GPC5: variants seen among roughly 807,000 people sequenced by gnomAD.
GPC5 encodes the protein glypican-5.
GPC5 carries 47 observed loss-of-function variants against 53.9 expected under a neutral mutation model. The observed-to-expected ratio is 0.87, with a 90% CI of 0.69 to 1.11. GPC5 has a LOEUF of 1.11. GPC5 is among the 50% of genes most tolerant of loss of function. GPC5 has a pLI of 0.00. For missense variants in GPC5, 748 were observed against 713.1 expected (o/e 1.05, Z -0.56); for synonymous variants, 286 against 263.3 (o/e 1.09, Z -0.84).
chr13:91,943,870 T>C (rs973732441), intron 6 of GPC5, among the ~76,000 whole-genome samples: 5 of 150,352 alleles, frequency 3.3e-5, no homozygotes, highest in Non-Finnish European at 5.9e-5. Context: ...TGAAATGACT[T>C]TTTTTTTTAA....
chr13:92,808,950 T>A (rs533222207), intron 7 of GPC5, among the ~76,000 whole-genome samples: 1 of 152,194 alleles, frequency 6.6e-6, no homozygotes, highest in South Asian at 2.1e-4. Flanking sequence ...AAAGACAAGA[T>A]ACTAGGAGCT....
chr13:91,665,041 C>A (rs182468494), intron 2 of GPC5, among the ~76,000 whole-genome samples: 54 of 152,244 alleles, frequency 3.5e-4, no homozygotes, highest in Middle Eastern at 3.4e-3. Flanking sequence ...ACAAAGAAAG[C>A]AGTGGTTTCA....
At chr13:91,812,094 C>G (rs186870693) in intron 5 of GPC5, among the ~76,000 whole-genome samples, 1 of 152,154 alleles carries the variant, frequency 6.6e-6, no homozygotes, top group African/African-American at 2.4e-5. Flanking sequence ...CAGGTAGTAC[C>G]TGTTGCCTTA....
intron 5 of GPC5, among the ~76,000 whole-genome samples, chr13:91,813,733 G>T (rs1399161910): frequency 6.6e-6 from 1 of 151,998 alleles, no homozygotes. Context: ...GTAAAAGTAA[G>T]AAATTTTGAA....
intron 7 of GPC5, among the ~76,000 whole-genome samples, chr13:92,369,141 A>AT (rs1332565320): frequency 6.6e-6 from 1 of 152,236 alleles, no homozygotes; most frequent in African/African-American, 2.4e-5. Flanking sequence ...AGCTGTGAAT[A>AT]TATCATCAAT....
intron 7 of GPC5, among the ~76,000 whole-genome samples, chr13:92,161,680 A>G (rs1407255038): frequency 6.6e-6 from 1 of 151,934 alleles, no homozygotes; most frequent in Non-Finnish European, 1.5e-5. Flanking sequence ...GCATTAGTTT[A>G]ATGTGTAATT....
chr13:92,342,290 G>A (rs2139250622), intron 7 of GPC5, among the ~76,000 whole-genome samples: 1 of 152,198 alleles, frequency 6.6e-6, no homozygotes, highest in South Asian at 2.1e-4. Context: ...CTGGAATATT[G>A]CAGTAGCCTC....
chr13:91,459,073 G>A (rs560500893), intron 2 of GPC5, among the ~76,000 whole-genome samples: 1 of 151,922 alleles, frequency 6.6e-6, no homozygotes, highest in South Asian at 2.1e-4. Context: ...GGGTGGGAGG[G>A]GGGTGAGGGA....
chr13:91,765,984 C>A (rs1051396204), intron 5 of GPC5, among the ~76,000 whole-genome samples: 1 of 152,128 alleles, frequency 6.6e-6, no homozygotes, highest in Non-Finnish European at 1.5e-5. Flanking sequence ...ACTTAAAATT[C>A]TGTAATACAT....
Position 91,933,026 on chromosome 13 carries a change from G to C in GPC5, c.1401+24969G>C, listed in dbSNP as rs960095239. ...ATATGCATTTGAAATTTTTAAAGTGGCATTACATATCCATAATTTCCCTTA... is the reference window on the plus strand; with the variant it reads ...ATATGCATTTGAAATTTTTAAAGTGCCATTACATATCCATAATTTCCCTTA... On this transcript the variant is annotated intron_variant, in intron 6 of 7. Coordinates refer to ENST00000377067, the MANE Select transcript of GPC5 (RefSeq NM_004466.6). Among the ~76,000 whole-genome samples, 8 of 152,008 alleles carry C rather than the reference G, an allele frequency of 5.3e-5. 1 individual carries two copies. The highest frequency in any genetic ancestry group is 5.9e-5 in the Non-Finnish European group (4 of 67,908).
chr13:92,744,972 C>A (rs955797401), intron 7 of GPC5, among the ~76,000 whole-genome samples: 2 of 152,048 alleles, frequency 1.3e-5, no homozygotes, highest in Non-Finnish European at 1.5e-5. Context: ...CTGAGACTTG[C>A]CTTCTCTAGT....
chr13:92,332,437 C>T (rs977198706), intron 7 of GPC5, among the ~76,000 whole-genome samples: 6 of 152,066 alleles, frequency 3.9e-5, no homozygotes, highest in Non-Finnish European at 7.4e-5. Context: ...AGGGATCTTA[C>T]CCCATCCTAG....
At chr13:91,740,494 G>A (rs2036908504) in intron 4 of GPC5, among the ~76,000 whole-genome samples, 1 of 152,162 alleles carries the variant, frequency 6.6e-6, no homozygotes, top group African/African-American at 2.4e-5. Context: ...AGCTTGGAGA[G>A]AGGGGAGCTA....
At chr13:92,610,217 T>C (rs1277416605) in intron 7 of GPC5, among the ~76,000 whole-genome samples, 1 of 152,160 alleles carries the variant, frequency 6.6e-6, no homozygotes, top group Non-Finnish European at 1.5e-5. Context: ...TATTTGATTA[T>C]CTAGAGAACA....
intron 7 of GPC5, among the ~76,000 whole-genome samples, chr13:92,537,015 GA>G (rs1881747155): frequency 6.6e-6 from 1 of 151,982 alleles, no homozygotes; most frequent in Non-Finnish European, 1.5e-5. Flanking sequence ...TGTTAGCTCT[GA>G]AAAGGTTTAT....
chr13:91,813,161 A>G (rs1470972298), intron 5 of GPC5, among the ~76,000 whole-genome samples: 1 of 152,210 alleles, frequency 6.6e-6, no homozygotes, highest in Non-Finnish European at 1.5e-5. Flanking sequence ...TTACTTGCTG[A>G]ATATTGAAAG....
chr13:92,752,245 C>A (rs958259348), intron 7 of GPC5, among the ~76,000 whole-genome samples: 1 of 152,076 alleles, frequency 6.6e-6, no homozygotes, highest in African/African-American at 2.4e-5. Context: ...AGATGTCATC[C>A]ACACTGCTTC....
chr13:92,059,546 A>T (rs2041104937), intron 6 of GPC5, among the ~76,000 whole-genome samples: 1 of 151,980 alleles, frequency 6.6e-6, no homozygotes, highest in African/African-American at 2.4e-5. Flanking sequence ...TTTGTGTATA[A>T]TCTTTTAAAT....
At chr13:92,186,607 A>G (rs2042185589) in intron 7 of GPC5, among the ~76,000 whole-genome samples, 1 of 152,328 alleles carries the variant, frequency 6.6e-6, no homozygotes, top group East Asian at 1.9e-4. Context: ...TATTCAGGGA[A>G]TTAAATGAGA....
Sources: allele counts gnomAD v4.1 joint callset (sites outside exome capture counted in the v4.1 genomes callset), GRCh38; gene constraint gnomAD v4.1.1; transcripts MANE v1.5; gene names NCBI Gene and HGNC (gene_info 2026-07-23, HGNC 2026-07-21).